OXR1: variants seen among roughly 807,000 people sequenced by gnomAD.
The protein encoded by OXR1 is oxidation resistance protein 1.
Under a neutral mutation model 104.6 loss-of-function variants are expected in OXR1, and 41 were observed. That is an observed-to-expected ratio of 0.39 (90% confidence interval 0.31 to 0.51). The LOEUF (loss-of-function observed/expected upper bound fraction) is 0.51. OXR1 is among the 20% of genes least tolerant of loss of function. The probability of loss-of-function intolerance (pLI) is 0.77; values close to 1 mark genes in which losing one functional copy is unlikely to be tolerated. For synonymous variants in OXR1, 348 were observed against 348.4 expected (o/e 1.00, Z 0.01); for missense variants, 955 against 1,031.9 (o/e 0.93, Z 1.02).
intron 3 of OXR1, among the ~76,000 whole-genome samples, chr8:106,632,957 C>T (rs912593048): frequency 3.3e-5 from 5 of 149,890 alleles, no homozygotes; most frequent in Non-Finnish European, 5.9e-5. Context: ...GCCAACCGGC[C>T]GGGTGCGGTG....
At chr8:106,504,010 G>T (rs2129972125) in intron 2 of OXR1, among the ~76,000 whole-genome samples, 1 of 152,296 alleles carries the variant, frequency 6.6e-6, no homozygotes, top group South Asian at 2.1e-4. Flanking sequence ...CAACAAGAGA[G>T]AGTCAGCTTT....
In OXR1 at chr8:106,634,087, A is replaced by G. The variant is rs550075144; in HGVS notation, c.221-45123A>G. Among the ~76,000 whole-genome samples the G allele has an allele frequency of 3.9e-4, 60 of 152,330 alleles. 1 individual carries two copies. In the South Asian group the frequency reaches 9.9e-3, roughly 25 times the overall value. On this transcript the variant is annotated intron_variant, in intron 3 of 16. Transcript: ENST00000517566. ...AGTACCATTTTGTTACAAAATTTCC[A>G]TGATAAACTATCAGAACTACTACTC...
At chr8:106,449,328 T>C (rs1414395590) in intron 2 of OXR1, among the ~76,000 whole-genome samples, 1 of 152,146 alleles carries the variant, frequency 6.6e-6, no homozygotes, top group Non-Finnish European at 1.5e-5. Flanking sequence ...CAAATGCAGC[T>C]AGCTACATAG....
At chr8:106,586,125 G>C (rs923813516) in intron 3 of OXR1, among the ~76,000 whole-genome samples, 1 of 152,146 alleles carries the variant, frequency 6.6e-6, no homozygotes, top group Non-Finnish European at 1.5e-5. Context: ...AAAACAAATT[G>C]TTGGAACATC....
At chr8:106,573,730 T>C (rs891215255) in intron 3 of OXR1, among the ~76,000 whole-genome samples, 1 of 152,208 alleles carries the variant, frequency 6.6e-6, no homozygotes, top group African/African-American at 2.4e-5. Context: ...ATGCTTAAGA[T>C]GTCTGATCTG....
Position 106,385,136 on chromosome 8 carries a change from G to C in OXR1, c.23+25500G>C, listed in dbSNP as rs370028597. Among the ~76,000 whole-genome samples, 190 of 152,270 alleles carry C rather than the reference G, an allele frequency of 1.2e-3. 2 individuals are homozygous for C. Among genetic ancestry groups the C allele is most frequent in the African/African-American group, 4.3e-3 (178 of 41,552 alleles). On this transcript the variant is annotated intron_variant, in intron 2 of 16. Transcript: ENST00000517566. ...GGACAGAAATAGAAGGTTTCATTCA[G>C]AACTCAAAGTGAACATCCTAGGGCA...
chr8:106,517,686 A>G (rs1261801409), intron 2 of OXR1, among the ~76,000 whole-genome samples: 1 of 152,156 alleles, frequency 6.6e-6, no homozygotes, highest in Non-Finnish European at 1.5e-5. Context: ...TATAATTTGT[A>G]TTCCTCAGGA....
intron 11 of OXR1, among the ~76,000 whole-genome samples, chr8:106,716,714 C>A (rs1462254822): frequency 1.3e-5 from 2 of 148,966 alleles, no homozygotes; most frequent in East Asian, 3.9e-4. Flanking sequence ...ATGTAAACAT[C>A]TTGTTTGTTT....
chr8:106,474,152 A>G (rs1341642558), intron 2 of OXR1, among the ~76,000 whole-genome samples: 4 of 151,040 alleles, frequency 2.6e-5, no homozygotes, highest in Non-Finnish European at 5.9e-5. Flanking sequence ...TTTACCAGGT[A>G]AATTGACATC....
At chr8:106,501,380 G>A (rs965834630) in intron 2 of OXR1, among the ~76,000 whole-genome samples, 6 of 152,216 alleles carry the variant, frequency 3.9e-5, no homozygotes, top group Admixed American at 2.6e-4. Flanking sequence ...AGTGAAGTAG[G>A]CAGGGGCCAG....
chr8:106,690,893 C>T (rs1037518487), intron 6 of OXR1, among the ~76,000 whole-genome samples: 2 of 151,842 alleles, frequency 1.3e-5, no homozygotes, highest in African/African-American at 2.4e-5. Context: ...GGATTTTCCT[C>T]CTCAATCTTC....
chr8:106,385,010 TG>T (rs1423667581), intron 2 of OXR1, among the ~76,000 whole-genome samples: 16 of 152,188 alleles, frequency 1.1e-4, no homozygotes, highest in Non-Finnish European at 1.5e-5. Context: ...CCACTGCTCC[TG>T]GCCTGTCTTA....
Position 106,454,695 on chromosome 8 carries a change from A to G in OXR1, c.24-64248A>G, listed in dbSNP as rs114677040. On this transcript the variant is annotated intron_variant, in intron 2 of 16. Transcript: ENST00000517566. Reference sequence around the variant, plus strand: ...TGATATTAATTGTCTTATTCGTGGAATCAATATATGGTATTTTTAGTCTGT... The same window carrying G: ...TGATATTAATTGTCTTATTCGTGGAGTCAATATATGGTATTTTTAGTCTGT... 3.8e-3 allele frequency among the ~76,000 whole-genome samples: 582 copies of G among 152,140 alleles called. 3 individuals carry two copies. Among genetic ancestry groups the G allele is most frequent in the African/African-American group, 0.013 (550 of 41,500 alleles).
At chr8:106,695,102 G>A (rs988656708) in intron 7 of OXR1, among the ~76,000 whole-genome samples, 3 of 149,428 alleles carry the variant, frequency 2.0e-5, no homozygotes, top group Non-Finnish European at 3.0e-5. Flanking sequence ...TGTTCTTATC[G>A]TAACACCTCT....
At chr8:106,422,731 A>C (rs1421499565) in intron 2 of OXR1, among the ~76,000 whole-genome samples, 3 of 152,102 alleles carry the variant, frequency 2.0e-5, no homozygotes, top group Non-Finnish European at 4.4e-5. Context: ...ATTACCCCAT[A>C]TTTGCAGATT....
At chr8:106,712,015 T>G (rs1053379551) in intron 10 of OXR1, among the ~76,000 whole-genome samples, 1 of 152,092 alleles carries the variant, frequency 6.6e-6, no homozygotes, top group East Asian at 1.9e-4. Flanking sequence ...CTATATCCAT[T>G]GATAGATTAA....
At chr8:106,493,003 T>C (rs965266139) in intron 2 of OXR1, among the ~76,000 whole-genome samples, 1 of 152,336 alleles carries the variant, frequency 6.6e-6, no homozygotes, top group East Asian at 1.9e-4. Flanking sequence ...GCTGTAGTTA[T>C]ATGTACAGAA....
chr8:106,469,171 C>T (rs1228535559), intron 2 of OXR1, among the ~76,000 whole-genome samples: 3 of 151,682 alleles, frequency 2.0e-5, no homozygotes, highest in African/African-American at 4.8e-5. Context: ...GGGATTCATT[C>T]GTATTCATAC....
chr8:106,388,739 G>C (rs1382344167), intron 2 of OXR1, among the ~76,000 whole-genome samples: 1 of 152,078 alleles, frequency 6.6e-6, no homozygotes, highest in East Asian at 1.9e-4. Flanking sequence ...TCTTTAAGTT[G>C]AGCTTCAATA....
Sources: gnomAD v4.1 joint callset for allele counts (sites outside exome capture counted in the v4.1 genomes callset) on GRCh38, gnomAD v4.1.1 for gene constraint, MANE v1.5 for transcripts, NCBI Gene and HGNC (gene_info 2026-07-23, HGNC 2026-07-21) for gene names.